Variants in AP2B1 observed in about 807,000 individuals in gnomAD.
The protein encoded by AP2B1 is adaptor related protein complex 2 subunit beta 1, also known as AP-2 complex subunit beta.
A neutral mutation model predicts 102.0 loss-of-function variants in AP2B1; 23 were observed. The observed-to-expected ratio is 0.23, with a 90% CI of 0.16 to 0.32. AP2B1 has a LOEUF of 0.32. AP2B1 is among the 10% of genes least tolerant of loss of function. The probability of loss-of-function intolerance (pLI) is 1.00; values close to 1 mark genes in which losing one functional copy is unlikely to be tolerated. For synonymous variants in AP2B1, 381 were observed against 421.2 expected, an observed-to-expected ratio of 0.90 and a Z score of 1.17; for missense variants, 541 against 1,157.4, an observed-to-expected ratio of 0.47 and a Z score of 7.73.
chr17:35,691,642 C>T (rs946570477), intron 18 of AP2B1, among the ~76,000 whole-genome samples: 4 of 152,184 alleles, frequency 2.6e-5, no homozygotes, highest in African/African-American at 4.8e-5. Flanking sequence ...GTGGATCTTT[C>T]GGAAACTATA....
At chr17:35,638,644 CCAGGCGTGGTGGCGGG>C (rs1448965211) in intron 10 of AP2B1, among the ~76,000 whole-genome samples, 1 of 151,900 alleles carries the variant, frequency 6.6e-6, no homozygotes, top group East Asian at 1.9e-4. Flanking sequence ...AAAAAATTAG[CCAGGCGTGGTGGCGGG>C]CACCTGTAGT....
At chr17:35,653,635 A>C (rs1323451927) in intron 13 of AP2B1, among the ~76,000 whole-genome samples, 1 of 152,086 alleles carries the variant, frequency 6.6e-6, no homozygotes, top group African/African-American at 2.4e-5. Context: ...CACCACACCC[A>C]GCTAATTTTT....
intron 12 of AP2B1, among the ~76,000 whole-genome samples, chr17:35,644,809 G>A (rs546985676): frequency 5.3e-5 from 8 of 152,200 alleles, no homozygotes; most frequent in South Asian, 2.1e-4. Flanking sequence ...CAAGGCGGGC[G>A]GATCACTTGA....
chr17:35,625,337 A>G (rs182793581), intron 6 of AP2B1, among the ~76,000 whole-genome samples: 3 of 152,356 alleles, frequency 2.0e-5, no homozygotes, highest in African/African-American at 4.8e-5. Context: ...TTTCCAAGCT[A>G]CTAGAATGTA....
chr17:35,678,135 A>G (rs1039955428), intron 17 of AP2B1, among the ~76,000 whole-genome samples: 3 of 152,170 alleles, frequency 2.0e-5, no homozygotes, highest in African/African-American at 7.2e-5. Flanking sequence ...TGCTGGGATT[A>G]CAGGTGTGAG....
chr17:35,675,971 G>T (rs746000716), intron 17 of AP2B1, among the ~76,000 whole-genome samples: 1 of 152,084 alleles, frequency 6.6e-6, no homozygotes, highest in Non-Finnish European at 1.5e-5. Context: ...TGGATGATAA[G>T]TGCCTTAAGT....
intron 3 of AP2B1, 142 bp downstream of exon 3, chr17:35,598,477 G>A (rs998169584): frequency 2.3e-5 from 12 of 514,394 alleles, no homozygotes; most frequent in African/African-American, 2.1e-4. Context: ...ATTAGGAAGT[G>A]CAGTTGCCTT....
At chr17:35,601,198 A>T (rs1388640808) in intron 3 of AP2B1, 1 of 154,160 alleles carries the variant, frequency 6.5e-6, no homozygotes, top group Non-Finnish European at 1.4e-5. Context: ...TTTATTGAGG[A>T]TATTCAAAAT....
intron 21 of AP2B1, among the ~76,000 whole-genome samples, chr17:35,720,545 T>TTTTATATA (rs1402145369): frequency 1.8e-5 from 1 of 54,368 alleles, no homozygotes; most frequent in African/African-American, 8.3e-5. Flanking sequence ...TTTATTTTAT[T>TTTTATATA]TATATATATA....
intron 5 of AP2B1, among the ~76,000 whole-genome samples, 178 bp downstream of exon 5, chr17:35,608,565 C>G (rs935664567): frequency 6.6e-6 from 1 of 152,120 alleles, no homozygotes; most frequent in African/African-American, 2.4e-5. Context: ...AGGTGAGAAC[C>G]AAGTACTAAA....
intron 5 of AP2B1, 50 bp from the exon 6 acceptor site, chr17:35,624,347 A>G (rs775562694): frequency 2.6e-6 from 4 of 1,556,800 alleles, no homozygotes; most frequent in South Asian, 1.1e-5. Flanking sequence ...GTGTTTGTCT[A>G]TAGCTGTGCT....
At chr17:35,697,287 A>G (rs587629025) in intron 18 of AP2B1, among the ~76,000 whole-genome samples, 2 of 152,348 alleles carry the variant, frequency 1.3e-5, no homozygotes, top group East Asian at 3.9e-4. Flanking sequence ...CCTGTTTTCA[A>G]AACTGGAGAT....
chr17:35,712,977 G>T (rs587734338), intron 20 of AP2B1, among the ~76,000 whole-genome samples: 1 of 152,324 alleles, frequency 6.6e-6, no homozygotes, highest in East Asian at 1.9e-4. Context: ...AAGGGACATG[G>T]TTGTTCAAAA....
chr17:35,623,890 G>C (rs987664441), intron 5 of AP2B1, among the ~76,000 whole-genome samples: 22 of 152,134 alleles, frequency 1.4e-4, no homozygotes, highest in Admixed American at 2.0e-4. Flanking sequence ...TATTCTCTCA[G>C]CATTGTATAC....
At chr17:35,704,911 A>G (rs1344508459) in intron 18 of AP2B1, among the ~76,000 whole-genome samples, 11 of 152,006 alleles carry the variant, frequency 7.2e-5, no homozygotes. Flanking sequence ...CACGCCTGTA[A>G]TCCCAGCTAC....
chr17:35,686,632 A>G (rs1274272017), intron 18 of AP2B1, among the ~76,000 whole-genome samples: 1 of 152,210 alleles, frequency 6.6e-6, no homozygotes, highest in Non-Finnish European at 1.5e-5. Context: ...TCAGGATGAT[A>G]AAAGCACAGT....
At chr17:35,636,028 T>C (rs1352959560) in intron 9 of AP2B1, among the ~76,000 whole-genome samples, 1 of 151,850 alleles carries the variant, frequency 6.6e-6, no homozygotes, top group African/African-American at 2.4e-5. Context: ...AGCAGTACGG[T>C]TGAGATGAGA....
chr17:35,705,353 T>A (rs1341961942), intron 18 of AP2B1, among the ~76,000 whole-genome samples: 2 of 152,240 alleles, frequency 1.3e-5, no homozygotes, highest in African/African-American at 2.4e-5. Flanking sequence ...ATCATTAAGC[T>A]AACAATCTGC....
intron 18 of AP2B1, among the ~76,000 whole-genome samples, chr17:35,699,437 A>G (rs2076199988): frequency 2.6e-5 from 4 of 152,218 alleles, no homozygotes; most frequent in African/African-American, 2.4e-5. Context: ...GTATGGCTTT[A>G]TACTCAGGAT....
Sources: gnomAD v4.1 joint callset for allele counts (sites outside exome capture counted in the v4.1 genomes callset) on GRCh38, gnomAD v4.1.1 for gene constraint, MANE v1.5 for transcripts, NCBI Gene and HGNC (gene_info 2026-07-23, HGNC 2026-07-21) for gene names.